SFI1: variants seen among roughly 807,000 people sequenced by gnomAD.
SFI1 encodes the protein SFI1 centrin binding protein.
SFI1 carries 195 observed loss-of-function variants against 207.5 expected under a neutral mutation model. That is an observed-to-expected ratio of 0.94 (90% CI 0.84 to 1.06). The LOEUF is 1.06. SFI1 is among the 50% of genes least tolerant of loss of function. SFI1 has a pLI of 0.00. For missense variants in SFI1, 1,634 were observed against 1,588.0 expected (o/e 1.03, Z -0.49); for synonymous variants, 630 against 598.9 (o/e 1.05, Z -0.76).
chr22:31,559,774 C>A, intron 7 of SFI1: 1 of 749,512 alleles, frequency 1.3e-6, no homozygotes, highest in Non-Finnish European at 2.4e-6. Context: ...ATAGCCAGGT[C>A]CTAGCCAGTG....
chr22:31,532,564 C>G (rs2058628891), intron 4 of SFI1, among the ~76,000 whole-genome samples: 1 of 152,170 alleles, frequency 6.6e-6, no homozygotes, highest in African/African-American at 2.4e-5. Flanking sequence ...TGTAATCTTT[C>G]CTGTTTCATT....
At chr22:31,529,204 A>T (rs2058226962) in intron 3 of SFI1, 2 of 223,678 alleles carry the variant, frequency 8.9e-6, no homozygotes, top group South Asian at 2.2e-4. Context: ...GAGCTGTAAC[A>T]CTTCTGCTAC....
chr22:31,499,921 G>T (rs189889541), intron 1 of SFI1, among the ~76,000 whole-genome samples: 6 of 143,566 alleles, frequency 4.2e-5, no homozygotes, highest in Admixed American at 2.1e-4. Flanking sequence ...CCAGGAGGCG[G>T]AGGTTGCAGT....
intron 1 of SFI1, among the ~76,000 whole-genome samples, chr22:31,501,127 G>GT (rs899025355): frequency 2.2e-4 from 33 of 150,524 alleles, no homozygotes; most frequent in African/African-American, 6.1e-4. Flanking sequence ...ATGTACATTA[G>GT]TTTTTTAGAC....
intron 1 of SFI1, among the ~76,000 whole-genome samples, chr22:31,498,278 G>C (rs904800385): frequency 1.9e-5 from 1 of 52,440 alleles, no homozygotes; most frequent in Admixed American, 1.5e-4. Flanking sequence ...CTGGGCGACA[G>C]AGTGATGAGA....
chr22:31,521,538 A>G (rs1297203378), intron 2 of SFI1: 2 of 152,588 alleles, frequency 1.3e-5, no homozygotes, highest in African/African-American at 4.8e-5. Flanking sequence ...TGAGCGGGAA[A>G]CAACCACCTT....
intron 6 of SFI1, 103 bp downstream of exon 6, chr22:31,550,451 C>A: frequency 2.4e-6 from 2 of 845,580 alleles, no homozygotes. Context: ...GAACTCTAGG[C>A]CAAAGGAAGA....
At chr22:31,588,811 CAA>C (rs537432528) in intron 14 of SFI1, among the ~76,000 whole-genome samples, 5 of 103,706 alleles carry the variant, frequency 4.8e-5, no homozygotes, top group Admixed American at 1.0e-4. Context: ...GACTCTGTCT[CAA>C]AAAAAAAAAA....
chr22:31,531,202 TA>T, intron 4 of SFI1, 73 bp downstream of exon 4: 4 of 1,215,386 alleles, frequency 3.3e-6, no homozygotes, highest in Non-Finnish European at 4.7e-6. Flanking sequence ...AGCCTGTATA[TA>T]AACTTCATTA....
chr22:31,581,433 T>A (rs1032904796), intron 12 of SFI1, among the ~76,000 whole-genome samples: 3 of 151,904 alleles, frequency 2.0e-5, no homozygotes, highest in African/African-American at 4.8e-5. Flanking sequence ...GGATCACAGG[T>A]GTGCACCACC....
chr22:31,577,051 G>T (rs144032871), intron 10 of SFI1, among the ~76,000 whole-genome samples: 1 of 152,148 alleles, frequency 6.6e-6, no homozygotes, highest in African/African-American at 2.4e-5. Flanking sequence ...GTCTTGCTTT[G>T]TATAAACTCC....
chr22:31,516,457 G>A (rs1466052739), intron 2 of SFI1, among the ~76,000 whole-genome samples: 1 of 151,790 alleles, frequency 6.6e-6, no homozygotes, highest in Admixed American at 6.6e-5. Context: ...GGGTTACAGT[G>A]AGCTGAGATG....
rs770240792 is a variant in SFI1, at chr22:31,602,690, G to A, written c.1710G>A (p.Gln570=). 19 of 1,614,230 alleles carry A rather than the reference G, an allele frequency of 1.2e-5. No homozygotes were observed. Among genetic ancestry groups the A allele is most frequent in the Non-Finnish European group, 1.6e-5 (19 of 1,180,054 alleles). ...AGGCAGCAGCACGTCACCAGGAGCA[G>A]GAGTGGCAAACAGTGGCCTGTGCCC... is the stretch of plus-strand genomic sequence containing the variant. ...HQQAAARHQE[Q]EWQTVACAHH... Residue 570 remains glutamine (Q), a synonymous_variant, in exon 17 of 33, where the codon CAG becomes CAA. Coordinates refer to ENST00000400288, the MANE Select transcript of SFI1 (RefSeq NM_001007467.3).
At chr22:31,616,492 T>G in intron 29 of SFI1, 1 of 423,562 alleles carries the variant, frequency 2.4e-6, no homozygotes, top group Non-Finnish European at 4.2e-6. Flanking sequence ...AGTGGAGGCG[T>G]GAGGCGGACT....
At chr22:31,553,157 C>T (rs147993165) in intron 6 of SFI1, among the ~76,000 whole-genome samples, 1,786 of 152,232 alleles carry the variant, frequency 0.012, 10 homozygotes, top group Middle Eastern at 0.031. Context: ...TTTTTAATAA[C>T]AGTCGTTCTG....
At chr22:31,550,102 T>C (rs937870986) in intron 5 of SFI1, 152 bp from the exon 6 acceptor site, 2 of 550,130 alleles carry the variant, frequency 3.6e-6, no homozygotes, top group African/African-American at 1.9e-5. Flanking sequence ...CGGCACACGG[T>C]ATTTTTAGTT....
intron 30 of SFI1, 22 bp downstream of exon 30, chr22:31,616,899 G>C (rs1162975456): frequency 6.2e-7 from 1 of 1,609,948 alleles, no homozygotes; most frequent in Admixed American, 1.7e-5. Flanking sequence ...GGGCCTGTCA[G>C]GGCAGAAAGC....
At chr22:31,522,812 T>C (rs1333479745) in intron 2 of SFI1, among the ~76,000 whole-genome samples, 1 of 152,096 alleles carries the variant, frequency 6.6e-6, no homozygotes, top group Non-Finnish European at 1.5e-5. Context: ...TGTGCCACCA[T>C]GCCCAGCTAA....
chr22:31,607,187 A>T (rs1042318982), intron 21 of SFI1, among the ~76,000 whole-genome samples: 3 of 152,144 alleles, frequency 2.0e-5, no homozygotes, highest in Non-Finnish European at 4.4e-5. Flanking sequence ...GTGGGAATGG[A>T]GTTCATGACA....
Sources: gnomAD v4.1 joint callset for allele counts (sites outside exome capture counted in the v4.1 genomes callset) on GRCh38, gnomAD v4.1.1 for gene constraint, MANE v1.5 for transcripts, NCBI Gene and HGNC (gene_info 2026-07-23, HGNC 2026-07-21) for gene names.